Variants in UBE2E2 observed in about 807,000 individuals in gnomAD.
The protein encoded by UBE2E2 is ubiquitin-conjugating enzyme E2 E2.
Under a neutral mutation model 24.7 loss-of-function variants are expected in UBE2E2, and 6 were observed. The observed-to-expected ratio is 0.24, with a 90% CI of 0.13 to 0.48. The LOEUF (loss-of-function observed/expected upper bound fraction) is 0.48, where lower values mean the gene tolerates loss of function less well. UBE2E2 is among the 20% of genes least tolerant of loss of function. The pLI, the probability that UBE2E2 is intolerant of heterozygous loss-of-function variation, is 0.99. For synonymous variants in UBE2E2, 104 were observed against 83.6 expected (o/e 1.24, Z -1.33); for missense variants, 169 against 245.0 (o/e 0.69, Z 2.07).
At chr3:23,399,010 C>T (rs1697146908) in intron 3 of UBE2E2, among the ~76,000 whole-genome samples, 1 of 152,176 alleles carries the variant, frequency 6.6e-6, no homozygotes, top group African/African-American at 2.4e-5. Context: ...CCTGAAACCT[C>T]AGATAGTACC....
At chr3:23,456,190 T>C (rs1329871770) in intron 3 of UBE2E2, among the ~76,000 whole-genome samples, 3 of 152,238 alleles carry the variant, frequency 2.0e-5, no homozygotes, top group Non-Finnish European at 4.4e-5. Context: ...ATCTTTAGGC[T>C]CCACTTATAA....
intron 5 of UBE2E2, among the ~76,000 whole-genome samples, chr3:23,578,157 A>ATGT (rs1476916766): frequency 6.6e-6 from 1 of 152,180 alleles, no homozygotes; most frequent in East Asian, 1.9e-4. Context: ...AAGAAGACAT[A>ATGT]CGTGTGGCCA....
chr3:23,285,991 A>G (rs1575532262), intron 3 of UBE2E2, among the ~76,000 whole-genome samples: 1 of 152,120 alleles, frequency 6.6e-6, no homozygotes, highest in South Asian at 2.1e-4. Context: ...GCCACTGTGG[A>G]TGGCCCTTTT....
At chr3:23,461,882 G>C (rs1032775042) in intron 3 of UBE2E2, among the ~76,000 whole-genome samples, 1 of 152,062 alleles carries the variant, frequency 6.6e-6, no homozygotes, top group Non-Finnish European at 1.5e-5. Context: ...TACTTCAAGA[G>C]TAATATGACT....
At chr3:23,413,471 G>C (rs145966901) in intron 3 of UBE2E2, among the ~76,000 whole-genome samples, 1 of 151,994 alleles carries the variant, frequency 6.6e-6, no homozygotes. Flanking sequence ...CCTTGTCCCT[G>C]CCTTTCCCTG....
intron 3 of UBE2E2, among the ~76,000 whole-genome samples, chr3:23,341,141 T>G (rs1411816765): frequency 1.3e-5 from 2 of 152,174 alleles, no homozygotes; most frequent in East Asian, 3.8e-4. Context: ...AAAAGTCTAT[T>G]TTTTTCACCC....
At chr3:23,378,236 T>TAAAAAAAAAAAA (rs56808350) in intron 3 of UBE2E2, among the ~76,000 whole-genome samples, 3 of 118,062 alleles carry the variant, frequency 2.5e-5, no homozygotes, top group African/African-American at 6.4e-5. Flanking sequence ...AAATAAGCAG[T>TAAAAAAAAAAAA]AAAAAAAAAA....
rs546704407 is a variant in UBE2E2, at chr3:23,253,508, T to C, written c.227+36196T>C. On this transcript the variant is annotated intron_variant, in intron 3 of 5. Transcript: ENST00000396703. ...GTGCTGCTGAAACTACTACCATTGC[T>C]ACTGGACTGTGAAAGGTATAATTCT... is the stretch of plus-strand genomic sequence containing the variant. 3.9e-5 allele frequency among the ~76,000 whole-genome samples: 6 copies of C among 152,358 alleles called. No homozygotes were observed. In the East Asian group the frequency reaches 1.2e-3, roughly 29 times the overall value.
chr3:23,497,454 CA>C (rs1484187887), intron 3 of UBE2E2, among the ~76,000 whole-genome samples: 1 of 152,118 alleles, frequency 6.6e-6, no homozygotes, highest in East Asian at 1.9e-4. Context: ...ATTGCAATAG[CA>C]ACAGGAGGTG....
chr3:23,224,803 A>T (rs577745122), intron 3 of UBE2E2, among the ~76,000 whole-genome samples: 1 of 152,106 alleles, frequency 6.6e-6, no homozygotes, highest in South Asian at 2.1e-4. Flanking sequence ...TGTTATGAAC[A>T]TTTATGTACA....
intron 3 of UBE2E2, among the ~76,000 whole-genome samples, chr3:23,443,048 C>T (rs1415983772): frequency 1.3e-5 from 2 of 152,192 alleles, no homozygotes; most frequent in African/African-American, 2.4e-5. Flanking sequence ...CAGTTTTCTA[C>T]TCACCTCTCT....
chr3:23,565,887 G>A lies in UBE2E2; in HGVS notation c.509-23847G>A, dbSNP rs74465509. ...CTTTAAGAACCTCCGTCATGAGATC[G>A]TTTTCTTCTTTCTGAGATTGGTCTC... On this transcript the variant is annotated intron_variant, in intron 5 of 5. Transcript: ENST00000396703. 5.7e-4 allele frequency among the ~76,000 whole-genome samples: 87 copies of A among 152,150 alleles called. 3 individuals carry two copies. The East Asian group carries it at 0.015, about 26-fold the overall frequency.
chr3:23,363,403 C>CA (rs1320107882), intron 3 of UBE2E2, among the ~76,000 whole-genome samples: 1 of 152,180 alleles, frequency 6.6e-6, no homozygotes, highest in Admixed American at 6.5e-5. Context: ...CTACAGGACT[C>CA]ATCTCACATG....
chr3:23,491,658 A>T (rs1699498574), intron 3 of UBE2E2, among the ~76,000 whole-genome samples: 1 of 152,216 alleles, frequency 6.6e-6, no homozygotes, highest in Non-Finnish European at 1.5e-5. Flanking sequence ...CAGAAGTGTA[A>T]GCAGGAGCCA....
chr3:23,250,113 A>G (rs1488902811), intron 3 of UBE2E2, among the ~76,000 whole-genome samples: 1 of 152,138 alleles, frequency 6.6e-6, no homozygotes, highest in African/African-American at 2.4e-5. Flanking sequence ...AGTTCTCAGT[A>G]ACTCTGAGTA....
intron 5 of UBE2E2, among the ~76,000 whole-genome samples, chr3:23,550,581 C>A (rs546852877): frequency 2.6e-5 from 4 of 152,276 alleles, no homozygotes; most frequent in African/African-American, 7.2e-5. Context: ...GGGAGTGAAA[C>A]TCAACTTTTT....
intron 3 of UBE2E2, among the ~76,000 whole-genome samples, chr3:23,250,020 A>G (rs118003167): frequency 1.3e-5 from 2 of 152,204 alleles, no homozygotes; most frequent in Non-Finnish European, 2.9e-5. Flanking sequence ...TATATGCCAG[A>G]CACTGATCTA....
Position 23,203,442 on chromosome 3 carries a change from C to T in UBE2E2, c.-31C>T. Reference sequence around the variant, plus strand: ...CAGGGCTTCGGCTCGAGCCTGCGACCTGCACGGACACCCCCCCCTCAGGTA... The same window carrying T: ...CAGGGCTTCGGCTCGAGCCTGCGACTTGCACGGACACCCCCCCCTCAGGTA... On this transcript the variant is annotated 5_prime_UTR_variant, in exon 1 of 6. Coordinates refer to ENST00000396703, the MANE Select transcript of UBE2E2 (RefSeq NM_152653.4). 1 of 947,734 alleles carries T rather than the reference C, an allele frequency of 1.1e-6. No homozygotes were observed. Among genetic ancestry groups the T allele is most frequent in the South Asian group, 5.1e-5 (1 of 19,604 alleles). 58.7% of individuals were successfully genotyped at this position (947,734 alleles called of 1,614,324 possible).
chr3:23,358,491 GT>G (rs1279363751), intron 3 of UBE2E2, among the ~76,000 whole-genome samples: 1 of 152,058 alleles, frequency 6.6e-6, no homozygotes, highest in Non-Finnish European at 1.5e-5. Flanking sequence ...GTGGAAATTA[GT>G]TTCTAACAGC....
Sources: gnomAD v4.1 joint callset for allele counts (sites outside exome capture counted in the v4.1 genomes callset) on GRCh38, gnomAD v4.1.1 for gene constraint, MANE v1.5 for transcripts, NCBI Gene and HGNC (gene_info 2026-07-23, HGNC 2026-07-21) for gene names.